TVP23A: variants seen among roughly 807,000 people sequenced by gnomAD.
The protein encoded by TVP23A is trans-golgi network vesicle protein 23 homolog A, also known as Golgi apparatus membrane protein TVP23 homolog A.
In TVP23A, 21 loss-of-function variants were observed where a neutral mutation model predicts 31.7. The ratio of observed to expected loss-of-function variants is 0.66; its 90% confidence interval spans 0.47 to 0.95. TVP23A has a LOEUF of 0.95. Ranked by LOEUF, TVP23A falls within the 40% of genes least tolerant of loss-of-function variation. TVP23A has a pLI of 0.00. For missense variants in TVP23A, 279 were observed against 255.6 expected (o/e 1.09, Z -0.62); for synonymous variants, 104 against 96.0 (o/e 1.08, Z -0.49).
chr16:10,792,934 C>G (rs746927882), intron 2 of TVP23A, among the ~76,000 whole-genome samples: 17 of 152,228 alleles, frequency 1.1e-4, no homozygotes, highest in Non-Finnish European at 1.9e-4. Context: ...AATAAAAGAA[C>G]AAACTTCCCT....
rs887398224 is a variant in TVP23A, at chr16:10,778,320, C to T, written c.90-3224G>A. Among the ~76,000 whole-genome samples, 5 of 72,240 alleles carry T rather than the reference C, an allele frequency of 6.9e-5. No homozygotes were observed. The Middle Eastern group carries it at 0.016, about 236-fold the overall frequency. 47.4% of individuals were successfully genotyped at this position (72,240 alleles called of 152,430 possible). A position where few individuals can be genotyped will look rare whatever the true frequency, so the allele number is the denominator to read the frequency against. ...CTGCACTCCAGCTTGGGCAACAGAGCAAATCGCTGTCTCGAAGAATTAGAC... is the reference window on the plus strand; with the variant it reads ...CTGCACTCCAGCTTGGGCAACAGAGTAAATCGCTGTCTCGAAGAATTAGAC... On this transcript the variant is annotated intron_variant, in intron 2 of 7. Coordinates refer to ENST00000299866, the MANE Select transcript of TVP23A (RefSeq NM_001079512.4).
intron 2 of TVP23A, among the ~76,000 whole-genome samples, chr16:10,794,071 C>T (rs777526186): frequency 1.3e-5 from 2 of 152,124 alleles, no homozygotes; most frequent in African/African-American, 4.8e-5. Context: ...ACACTGTCTT[C>T]ACATGTCAGA....
At chr16:10,810,242 T>C (rs576674528) in intron 2 of TVP23A, among the ~76,000 whole-genome samples, 1 of 152,070 alleles carries the variant, frequency 6.6e-6, no homozygotes, top group Non-Finnish European at 1.5e-5. Flanking sequence ...AGCATTTGAA[T>C]TGGTGGACGG....
intron 2 of TVP23A, among the ~76,000 whole-genome samples, chr16:10,785,909 T>C (rs1334574129): frequency 6.6e-6 from 1 of 152,164 alleles, no homozygotes; most frequent in Non-Finnish European, 1.5e-5. Context: ...GGACTTTGGG[T>C]ACCCTACAGG....
chr16:10,779,453 G>T lies in TVP23A; in HGVS notation c.90-4357C>A, dbSNP rs983036300. Among the ~76,000 whole-genome samples the T allele has an allele frequency of 6.6e-6, 1 of 151,594 alleles. No homozygotes were observed. The highest frequency in any genetic ancestry group is 2.4e-5 in the African/African-American group (1 of 41,278). On this transcript the variant is annotated intron_variant, in intron 2 of 7. Coordinates refer to ENST00000299866, the MANE Select transcript of TVP23A (RefSeq NM_001079512.4). The surrounding 1 kb of genome is among the most constrained non-coding windows in gnomAD (Gnocchi z 4.9). Reference sequence around the variant, plus strand: ...TCCTCCTGCTCCCCAGCAACATGGAGCACACACACACACACCACCAATCAC... The same window carrying T: ...TCCTCCTGCTCCCCAGCAACATGGATCACACACACACACACCACCAATCAC...
At chr16:10,817,310 A>G (rs995729377) in intron 2 of TVP23A, among the ~76,000 whole-genome samples, 1 of 152,230 alleles carries the variant, frequency 6.6e-6, no homozygotes, top group Non-Finnish European at 1.5e-5. Context: ...TTTGATTTTA[A>G]AAACAGAGAC....
intron 2 of TVP23A, among the ~76,000 whole-genome samples, chr16:10,811,738 A>G (rs9925356): frequency 0.086 from 13,115 of 151,782 alleles, 1,523 homozygotes; most frequent in African/African-American, 0.26. Flanking sequence ...CCCCGTCTCT[A>G]CTAAAAATAC....
intron 2 of TVP23A, chr16:10,775,386 T>G (rs1158061726): frequency 6.7e-6 from 8 of 1,188,310 alleles, no homozygotes; most frequent in African/African-American, 3.1e-5. Context: ...ACGGTCATCT[T>G]TGAAGTGAAA....
chr16:10,761,827 T>C (rs777345979), downstream of TVP23A: 9 of 1,614,020 alleles, frequency 5.6e-6, no homozygotes, highest in South Asian at 8.8e-5. Flanking sequence ...GAGGTCCCTC[T>C]CCTCGGCAGA....
downstream of TVP23A, chr16:10,757,984 C>T (rs1900676150): frequency 6.2e-7 from 1 of 1,614,106 alleles, no homozygotes; most frequent in African/African-American, 1.3e-5. This position sits in a 1 kb window ranked among gnomAD's most constrained non-coding sequence, Gnocchi z 4.1. Flanking sequence ...CGGTACCTGG[C>T]CACAGCACAC....
At chr16:10,773,648 G>A (rs2031788993) in intron 4 of TVP23A, among the ~76,000 whole-genome samples, 1 of 152,166 alleles carries the variant, frequency 6.6e-6, no homozygotes, top group Non-Finnish European at 1.5e-5. Context: ...TTGGCTCACT[G>A]GAACCTCCGC....
At position 10,767,965 on chromosome 16, in the gene TVP23A, A is replaced by T. The variant is rs2031146189; in HGVS notation, c.*1137T>A. 6.2e-7 allele frequency: 1 copy of T among 1,614,154 alleles called. No individual in the cohort carries two copies. Among genetic ancestry groups the T allele is most frequent in the Non-Finnish European group, 8.5e-7 (1 of 1,180,018 alleles). ...TTTTTTAAGGTAAGAATTGTGACAA[A>T]GGCCAGTCTTTTTTCATTGACGCCC... On this transcript the variant is annotated 3_prime_UTR_variant, in exon 8 of 8. Coordinates refer to ENST00000299866, the MANE Select transcript of TVP23A (RefSeq NM_001079512.4). This position sits in a 1 kb window ranked among gnomAD's most constrained non-coding sequence, Gnocchi z 4.6.
chr16:10,806,691 A>T (rs540829404), intron 2 of TVP23A, among the ~76,000 whole-genome samples: 8 of 152,170 alleles, frequency 5.3e-5, no homozygotes, highest in African/African-American at 1.4e-4. Flanking sequence ...TAGTAGAGAC[A>T]GGGTTTCACC....
intron 6 of TVP23A, among the ~76,000 whole-genome samples, chr16:10,770,841 C>A (rs1390744406): frequency 7.3e-6 from 1 of 136,100 alleles, no homozygotes; most frequent in African/African-American, 2.9e-5. Context: ...TGCACTCCAG[C>A]CTGGGAGCAG....
At chr16:10,794,894 T>C (rs1443303868) in intron 2 of TVP23A, among the ~76,000 whole-genome samples, 1 of 151,976 alleles carries the variant, frequency 6.6e-6, no homozygotes, top group East Asian at 1.9e-4. Flanking sequence ...AGGCTGCCCC[T>C]GGAACCCTCA....
intron 2 of TVP23A, among the ~76,000 whole-genome samples, chr16:10,805,496 T>C (rs1435551770): frequency 6.7e-6 from 1 of 150,096 alleles, no homozygotes; most frequent in Non-Finnish European, 1.5e-5. Flanking sequence ...ATCTGTACTT[T>C]AATGCAGGGA....
At chr16:10,788,217 G>A (rs1374253498) in intron 2 of TVP23A, among the ~76,000 whole-genome samples, 1 of 152,060 alleles carries the variant, frequency 6.6e-6, no homozygotes, top group Non-Finnish European at 1.5e-5. Flanking sequence ...ATTATCTAAA[G>A]ACCTGGAATC....
At chr16:10,775,378 G>C (rs1361249845) in intron 2 of TVP23A, 1 of 1,207,704 alleles carries the variant, frequency 8.3e-7, no homozygotes, top group Non-Finnish European at 1.0e-6. Context: ...TTCGAAACAC[G>C]GTCATCTTTG....
chr16:10,792,034 C>T (rs1185109494), intron 2 of TVP23A, among the ~76,000 whole-genome samples: 1 of 152,222 alleles, frequency 6.6e-6, no homozygotes, highest in Admixed American at 6.5e-5. Flanking sequence ...ATAAACGTCA[C>T]ACCTGATCCA....
Sources: allele counts gnomAD v4.1 joint callset (sites outside exome capture counted in the v4.1 genomes callset), GRCh38; gene constraint gnomAD v4.1.1; non-coding constraint Gnocchi (gnomAD v3.1); transcripts MANE v1.5; gene names NCBI Gene and HGNC (gene_info 2026-07-23, HGNC 2026-07-21).